ARHGAP21: variants seen among roughly 807,000 people sequenced by gnomAD.
The protein encoded by ARHGAP21 is Rho GTPase activating protein 21.
ARHGAP21 carries 38 observed loss-of-function variants against 164.6 expected under a neutral mutation model. The ratio of observed to expected loss-of-function variants is 0.23; its 90% confidence interval spans 0.18 to 0.30. The LOEUF (loss-of-function observed/expected upper bound fraction) is 0.30. ARHGAP21 is among the 10% of genes least tolerant of loss of function. The pLI is 1.00. For missense variants in ARHGAP21, 1,822 were observed against 2,370.7 expected, an observed-to-expected ratio of 0.77 and a Z score of 4.81; for synonymous variants, 766 against 857.9, an observed-to-expected ratio of 0.89 and a Z score of 1.87.
At chr10:24,667,374 T>C (rs550146125) in intron 3 of ARHGAP21, among the ~76,000 whole-genome samples, 5 of 152,326 alleles carry the variant, frequency 3.3e-5, no homozygotes, top group African/African-American at 1.2e-4. Context: ...AAGTAGGCAG[T>C]TGGACAGATG....
intron 4 of ARHGAP21, among the ~76,000 whole-genome samples, chr10:24,656,459 C>A (rs1838954634): frequency 1.5e-5 from 1 of 68,148 alleles, no homozygotes; most frequent in African/African-American, 6.8e-5. Flanking sequence ...CCCGGCCACC[C>A]CTACTGTGAA....
chr10:24,689,840 A>G (rs1386341636), intron 2 of ARHGAP21, among the ~76,000 whole-genome samples: 6 of 148,056 alleles, frequency 4.1e-5, no homozygotes, highest in Non-Finnish European at 5.9e-5. Context: ...GTATGTGTAT[A>G]TATATGTATA....
At chr10:24,652,696 A>C (rs1230295298) in intron 4 of ARHGAP21, among the ~76,000 whole-genome samples, 1 of 152,220 alleles carries the variant, frequency 6.6e-6, no homozygotes, top group Non-Finnish European at 1.5e-5. Context: ...CAGGAAATCC[A>C]AATTAAAGCC....
intron 2 of ARHGAP21, among the ~76,000 whole-genome samples, chr10:24,708,272 C>T (rs1454332694): frequency 6.6e-6 from 1 of 152,000 alleles, no homozygotes; most frequent in Admixed American, 6.6e-5. Flanking sequence ...GACTTTGACC[C>T]TCTTCCCTCC....
chr10:24,696,092 A>G (rs978054258), intron 2 of ARHGAP21, among the ~76,000 whole-genome samples: 14 of 152,246 alleles, frequency 9.2e-5, no homozygotes, highest in Non-Finnish European at 1.9e-4. Flanking sequence ...AAATCCAGAC[A>G]ATATATGTGA....
chr10:24,621,777 T>C (rs1016660123), intron 8 of ARHGAP21, among the ~76,000 whole-genome samples: 15 of 152,152 alleles, frequency 9.9e-5, no homozygotes, highest in Non-Finnish European at 1.5e-4. Context: ...AAGGTGAAAA[T>C]ATTAAAAATC....
chr10:24,676,377 G>A (rs1288716175), intron 2 of ARHGAP21, among the ~76,000 whole-genome samples: 4 of 152,214 alleles, frequency 2.6e-5, no homozygotes, highest in African/African-American at 9.7e-5. Flanking sequence ...GACTGGCATA[G>A]GAATGTGATT....
intron 2 of ARHGAP21, among the ~76,000 whole-genome samples, chr10:24,707,474 A>G (rs1844350595): frequency 6.6e-6 from 1 of 152,204 alleles, no homozygotes; most frequent in African/African-American, 2.4e-5. Flanking sequence ...GATTTTAACT[A>G]TGAATTATTT....
In ARHGAP21 at chr10:24,596,843, T is replaced by G. The variant is rs1399153447; in HGVS notation, c.3374A>C (p.Lys1125Thr). 1 of 1,611,446 alleles carries G rather than the reference T, an allele frequency of 6.2e-7. No individual in the cohort carries two copies. Among genetic ancestry groups the G allele is most frequent in the African/African-American group, 1.3e-5 (1 of 74,646 alleles). The change falls in exon 17 of 26, where the codon AAA becomes ACA. Residue 1125 changes from lysine (K) to threonine (T), a missense_variant. Transcript: ENST00000396432. ...SPPKDKGTWR[K>T]GIPSIMRKTF... ...CTTTCTCATGATACTTGGAATGCCT[T>G]TTCTCCATGTGCCTTTGTCTTTTGG...
chr10:24,662,102 T>C (rs1462077075), intron 4 of ARHGAP21, among the ~76,000 whole-genome samples: 2 of 152,218 alleles, frequency 1.3e-5, no homozygotes, highest in Non-Finnish European at 2.9e-5. Context: ...TAACAAGTGA[T>C]GGTTGCTCCT....
At chr10:24,651,473 T>G (rs1838154638) in intron 4 of ARHGAP21, among the ~76,000 whole-genome samples, 1 of 152,222 alleles carries the variant, frequency 6.6e-6, no homozygotes, top group Non-Finnish European at 1.5e-5. Flanking sequence ...CTCATCCTGG[T>G]TTAGTTTATG....
chr10:24,696,504 T>C (rs894077879), intron 2 of ARHGAP21, among the ~76,000 whole-genome samples: 4 of 152,212 alleles, frequency 2.6e-5, no homozygotes, highest in African/African-American at 7.2e-5. Context: ...AGAAGTGTAC[T>C]GTGCCTCTGT....
At chr10:24,659,415 A>C (rs1360086474) in intron 4 of ARHGAP21, among the ~76,000 whole-genome samples, 1 of 152,138 alleles carries the variant, frequency 6.6e-6, no homozygotes, top group Non-Finnish European at 1.5e-5. Context: ...TCCCGGGTTC[A>C]AGCGATTCTC....
intron 7 of ARHGAP21, among the ~76,000 whole-genome samples, chr10:24,624,917 A>G (rs962102756): frequency 2.6e-5 from 4 of 151,920 alleles, no homozygotes; most frequent in Admixed American, 6.6e-5. Context: ...ACCACTTCAC[A>G]TTCCTTCTTG....
intron 4 of ARHGAP21, among the ~76,000 whole-genome samples, chr10:24,666,412 T>G (rs1307577041): frequency 2.0e-5 from 3 of 152,344 alleles, no homozygotes; most frequent in Non-Finnish European, 4.4e-5. Context: ...TTTTGCAACT[T>G]TGTTGTCTAA....
chr10:24,588,482 G>A (rs930095082), intron 25 of ARHGAP21, among the ~76,000 whole-genome samples: 2 of 139,620 alleles, frequency 1.4e-5, no homozygotes, highest in Non-Finnish European at 1.6e-5. Flanking sequence ...AACATCACAA[G>A]TAATAGAGAC....
intron 2 of ARHGAP21, among the ~76,000 whole-genome samples, chr10:24,705,323 C>T (rs1165924389): frequency 2.6e-5 from 4 of 152,114 alleles, no homozygotes; most frequent in East Asian, 1.9e-4. Context: ...ATATTTTTTA[C>T]GGTAATGTAA....
intron 24 of ARHGAP21, 165 bp from the exon 25 acceptor site, chr10:24,589,467 C>T: frequency 1.8e-6 from 1 of 546,058 alleles, no homozygotes; most frequent in Non-Finnish European, 3.2e-6. Flanking sequence ...GCAAGCTGCA[C>T]CACAGAAAGC....
intron 2 of ARHGAP21, among the ~76,000 whole-genome samples, chr10:24,675,472 G>C (rs1044080647): frequency 6.6e-6 from 1 of 152,150 alleles, no homozygotes; most frequent in African/African-American, 2.4e-5. Context: ...AATGTGAAGG[G>C]TGGTGAATAA....
Sources: gnomAD v4.1 joint callset for allele counts (sites outside exome capture counted in the v4.1 genomes callset) on GRCh38, gnomAD v4.1.1 for gene constraint, MANE v1.5 for transcripts, NCBI Gene and HGNC (gene_info 2026-07-23, HGNC 2026-07-21) for gene names.